The following LPO variants were observed in gnomAD, a reference collection of about 807,000 sequenced individuals.
LPO encodes lactoperoxidase, also known as salivary peroxidase.
Under a neutral mutation model 68.4 loss-of-function variants are expected in LPO, and 70 were observed. The ratio of observed to expected loss-of-function variants is 1.02; its 90% CI spans 0.84 to 1.25. The LOEUF is 1.25. Among genes scored for constraint, LPO ranks in the 50% most tolerant of loss-of-function variants. The pLI, the probability that LPO is intolerant of heterozygous loss-of-function variation, is 0.00. For synonymous variants in LPO, 360 were observed against 357.6 expected (o/e 1.01, Z -0.08); for missense variants, 873 against 908.4 (o/e 0.96, Z 0.50).
chr17:58,254,156 G>GATATATATATAT (rs535794728), intron 8 of LPO, among the ~76,000 whole-genome samples: 2 of 148,524 alleles, frequency 1.3e-5, no homozygotes, highest in African/African-American at 4.9e-5. Flanking sequence ...TAGATATATA[G>GATATATATATAT]ATAGATAGAT....
rs201972009 is a variant in LPO at position 58,264,908 on chromosome 17, T to C, written c.1453T>C (p.Trp485Arg). 2.5e-6 allele frequency: 4 copies of C among 1,614,188 alleles called. No individual in the cohort carries two copies. The Admixed American group carries it at 6.7e-5, about 27-fold the overall frequency. ...MFRLDENYQPWGPEPELPLHT... is the reference protein window; with the variant it reads ...MFRLDENYQPRGPEPELPLHT... ...CCGCCTGGATGAGAATTATCAGCCA[T>C]GGGGGCCAGAACCAGAACTCCCCCT... The change falls in exon 10 of 13, where the codon TGG becomes CGG. Residue 485 changes from tryptophan (W) to arginine (R), a missense_variant. Physicochemically the swap from Trp to Arg is moderately radical, Grantham distance 101 (BLOSUM62 -3). Transcript: ENST00000262290.
Position 58,242,968 on chromosome 17 carries a change from C to T in LPO, c.-2-10C>T, listed in dbSNP as rs1285755603. On this transcript the variant is annotated splice_polypyrimidine_tract_variant and intron_variant, in intron 1 of 12. Transcript: ENST00000262290. ...AGAGGCTCACAGTGTGATCCTGCAT[C>T]TCGTTTCAGTGATGAGGGTCCTTCT... 2 of 1,613,570 alleles carry T rather than the reference C, an allele frequency of 1.2e-6. No homozygotes were observed. The highest frequency in any genetic ancestry group is 8.5e-7 in the Non-Finnish European group (1 of 1,179,602).
intron 9 of LPO, among the ~76,000 whole-genome samples, chr17:58,259,378 C>A (rs1391590054): frequency 6.6e-6 from 1 of 152,048 alleles, no homozygotes; most frequent in Non-Finnish European, 1.5e-5. Flanking sequence ...GCTTTTGTTT[C>A]TTTGGTAAAA....
intron 9 of LPO, 48 bp from the exon 10 acceptor site, chr17:58,264,674 G>T: frequency 6.2e-7 from 1 of 1,607,376 alleles, no homozygotes; most frequent in Non-Finnish European, 8.5e-7. Context: ...CTCTGCAGAG[G>T]TTTAAACCTT....
chr17:58,242,058 G>C (rs890245520), intron 1 of LPO, among the ~76,000 whole-genome samples: 2 of 152,180 alleles, frequency 1.3e-5, no homozygotes, highest in African/African-American at 4.8e-5. Flanking sequence ...AGGCGCCCTT[G>C]TGAAAGCTGA....
chr17:58,254,158 T>TAGATAGATAGAC (rs1211087955), intron 8 of LPO, among the ~76,000 whole-genome samples: 2 of 150,990 alleles, frequency 1.3e-5, no homozygotes, highest in South Asian at 2.1e-4. Flanking sequence ...GATATATAGA[T>TAGATAGATAGAC]AGATAGATAG....
intron 8 of LPO, among the ~76,000 whole-genome samples, chr17:58,253,502 A>T (rs1970003216): frequency 6.6e-6 from 1 of 152,198 alleles, no homozygotes. Context: ...AGCTTTTTAT[A>T]ACCTGGGGAC....
chr17:58,240,668 G>T (rs750334107), intron 1 of LPO, among the ~76,000 whole-genome samples: 1 of 152,130 alleles, frequency 6.6e-6, no homozygotes, highest in African/African-American at 2.4e-5. Context: ...AGCATGAAGG[G>T]GGTCCTAAAG....
At chr17:58,264,460 C>T (rs1192597811) in intron 9 of LPO, among the ~76,000 whole-genome samples, 1 of 152,106 alleles carries the variant, frequency 6.6e-6, no homozygotes, top group East Asian at 1.9e-4. Flanking sequence ...AAAGATAGTA[C>T]GTTTCATATG....
intron 9 of LPO, among the ~76,000 whole-genome samples, chr17:58,263,095 G>A (rs1271881818): frequency 6.6e-6 from 1 of 151,908 alleles, no homozygotes; most frequent in Non-Finnish European, 1.5e-5. Context: ...TCTATCCTCT[G>A]TCACTCCCAC....
intron 3 of LPO, chr17:58,244,334 C>T: frequency 2.1e-6 from 1 of 482,228 alleles, no homozygotes; most frequent in Non-Finnish European, 3.7e-6. Context: ...CCTAGAAGGA[C>T]TTTCTTCCAC....
chr17:58,254,966 G>T lies in LPO; in HGVS notation c.1261G>T (p.Val421Leu), dbSNP rs2301870. Residue 421 changes from valine (V) to leucine (L), a missense_variant, in exon 9 of 13, where the codon GTG (valine) becomes TTG (leucine). By Grantham distance (32) the Val-to-Leu change is conservative. Coordinates refer to ENST00000262290, the MANE Select transcript of LPO (RefSeq NM_006151.3). ...AGCCCGGAAAATCCTGGGAGCCTTC[G>T]TGCAGGTAGGGAGTCCCAGGAGCAC... ...QEARKILGAF[V>L]QIITFRDYLP... 2.5e-6 allele frequency: 4 copies of T among 1,613,502 alleles called. No homozygotes were observed. Among genetic ancestry groups the T allele is most frequent in the South Asian group, 1.1e-5 (1 of 91,060 alleles).
intron 6 of LPO, 70 bp from the exon 7 acceptor site, chr17:58,250,345 T>C (rs1969934590): frequency 8.5e-7 from 1 of 1,180,982 alleles, no homozygotes; most frequent in Non-Finnish European, 1.3e-6. Context: ...GTTAATAAGC[T>C]GTAGTTGCAT....
At chr17:58,260,667 C>T (rs1970159049) in intron 9 of LPO, among the ~76,000 whole-genome samples, 1 of 152,106 alleles carries the variant, frequency 6.6e-6, no homozygotes. Context: ...ATCCTTTAAA[C>T]TATACTGCTT....
At chr17:58,249,526 C>A (rs961335019) in intron 5 of LPO, 40 bp from the exon 6 acceptor site, 10 of 1,590,910 alleles carry the variant, frequency 6.3e-6, no homozygotes, top group Non-Finnish European at 7.7e-6. Context: ...AGCCCCGGAG[C>A]CGGCCTGCCG....
chr17:58,266,719 G>A (rs949166663), intron 11 of LPO, among the ~76,000 whole-genome samples: 2 of 152,072 alleles, frequency 1.3e-5, no homozygotes, highest in Non-Finnish European at 2.9e-5. Flanking sequence ...GCCTCCCAAA[G>A]CACTGGCATT....
intron 9 of LPO, 91 bp from the exon 10 acceptor site, chr17:58,264,631 A>T: frequency 7.1e-7 from 1 of 1,406,048 alleles, no homozygotes; most frequent in Non-Finnish European, 9.9e-7. Context: ...TCAACAGCTC[A>T]TCACTCTTGG....
Position 58,252,375 on chromosome 17 carries a change from GC to G in LPO, c.979del (p.Leu327TrpfsTer71), listed in dbSNP as rs774750792. 2 of 1,614,140 alleles carry G rather than the reference GC, an allele frequency of 1.2e-6. No homozygotes were observed. Among genetic ancestry groups the G allele is most frequent in the Non-Finnish European group, 1.7e-6 (2 of 1,180,028 alleles). On this transcript the variant is annotated frameshift_variant, in exon 8 of 13. Transcript: ENST00000262290. LOFTEE classifies it high-confidence loss of function. ...GCCAGCCGCCTCCGCAACCTCAGCAGCCCCCTGGGCCTCATGGCTGTCAACC... is the reference window on the plus strand; with the variant it reads ...GCCAGCCGCCTCCGCAACCTCAGCAGCCCCTGGGCCTCATGGCTGTCAACC... Reference protein sequence around the residue: ...SLASRLRNLSSPLGLMAVNQE... With the variant: ...SLASRLRNLSXPLGLMAVNQE...
At chr17:58,241,224 C>T (rs1717537688) in intron 1 of LPO, among the ~76,000 whole-genome samples, 1 of 149,094 alleles carries the variant, frequency 6.7e-6, no homozygotes, top group Admixed American at 6.7e-5. Flanking sequence ...GATTCTCCTG[C>T]CTCAGTCTCC....
Sources: allele counts gnomAD v4.1 joint callset (sites outside exome capture counted in the v4.1 genomes callset), GRCh38; gene constraint gnomAD v4.1.1; transcripts MANE v1.5; gene names NCBI Gene and HGNC (gene_info 2026-07-23, HGNC 2026-07-21).